Variants in DYNC1I1 observed in about 807,000 individuals in gnomAD.
DYNC1I1 encodes the protein cytoplasmic dynein 1 intermediate chain 1.
Under a neutral mutation model 86.6 loss-of-function variants are expected in DYNC1I1, and 43 were observed. The observed-to-expected ratio is 0.50, with a 90% CI of 0.39 to 0.64. DYNC1I1 has a LOEUF of 0.64. Among genes scored for constraint, DYNC1I1 ranks in the 30% least tolerant of loss-of-function variants. DYNC1I1 has a pLI of 0.00. For synonymous variants in DYNC1I1, 262 were observed against 283.7 expected, an observed-to-expected ratio of 0.92 and a Z score of 0.77; for missense variants, 604 against 788.8, an observed-to-expected ratio of 0.77 and a Z score of 2.81.
intron 16 of DYNC1I1, among the ~76,000 whole-genome samples, chr7:96,087,658 T>G (rs144952334): frequency 1.3e-5 from 2 of 152,184 alleles, no homozygotes; most frequent in Non-Finnish European, 2.9e-5. Context: ...CCAGATAAAA[T>G]GTGAAAATCC....
chr7:96,044,088 G>A (rs2116064438), intron 14 of DYNC1I1, among the ~76,000 whole-genome samples: 1 of 152,224 alleles, frequency 6.6e-6, no homozygotes, highest in African/African-American at 2.4e-5. Context: ...ATGATATTAG[G>A]GATTTGCTTC....
Position 96,105,076 on chromosome 7 carries a change from T to C in DYNC1I1, c.1543-4903T>C, listed in dbSNP as rs962773511. 5.9e-5 allele frequency among the ~76,000 whole-genome samples: 9 copies of C among 152,166 alleles called. No individual in the cohort carries two copies. The South Asian group carries it at 8.3e-4, about 14-fold the overall frequency. The stretch of plus-strand genomic sequence containing the variant: ...ATTTATTCCTAGATAACAACTAATT[T>C]TTTATGCTATTGTAAATACTATTGT... On this transcript the variant is annotated intron_variant, in intron 16 of 16. Coordinates refer to the DYNC1I1 transcript ENST00000537881.
intron 14 of DYNC1I1, among the ~76,000 whole-genome samples, chr7:96,065,678 G>A (rs983336530): frequency 3.3e-5 from 5 of 152,084 alleles, no homozygotes; most frequent in African/African-American, 7.2e-5. Flanking sequence ...GTGAGCCACC[G>A]CGCCGAGCAT....
chr7:95,960,326 C>A (rs1256525128), intron 6 of DYNC1I1, among the ~76,000 whole-genome samples: 1 of 152,070 alleles, frequency 6.6e-6, no homozygotes, highest in Non-Finnish European at 1.5e-5. Context: ...AGGCTGGTCT[C>A]AAACTCCTAA....
At chr7:95,774,836 C>T (rs780887976) in intron 1 of DYNC1I1, among the ~76,000 whole-genome samples, 10 of 152,184 alleles carry the variant, frequency 6.6e-5, no homozygotes, top group Non-Finnish European at 1.5e-4. Flanking sequence ...CTAGGTACCC[C>T]TCTTAGTACA....
chr7:95,862,753 A>G (rs993789506), intron 5 of DYNC1I1, among the ~76,000 whole-genome samples: 1 of 152,198 alleles, frequency 6.6e-6, no homozygotes, highest in Non-Finnish European at 1.5e-5. Flanking sequence ...GTGTACAGCC[A>G]TCTCTCCATA....
chr7:95,798,567 AT>A (rs1289555322), intron 1 of DYNC1I1, among the ~76,000 whole-genome samples: 2 of 152,134 alleles, frequency 1.3e-5, no homozygotes, highest in African/African-American at 4.8e-5. Context: ...AAGAAAACTT[AT>A]TTCTGGGTAT....
intron 2 of DYNC1I1, among the ~76,000 whole-genome samples, chr7:95,806,428 C>T (rs1794702584): frequency 6.6e-6 from 1 of 152,160 alleles, no homozygotes; most frequent in African/African-American, 2.4e-5. Flanking sequence ...CAACCAAGCA[C>T]TTTTGCCTGG....
intron 9 of DYNC1I1, among the ~76,000 whole-genome samples, chr7:95,993,403 G>A (rs1793778802): frequency 6.6e-6 from 1 of 152,164 alleles, no homozygotes; most frequent in South Asian, 2.1e-4. Context: ...AGACCCAGCT[G>A]GGTGATATTA....
intron 6 of DYNC1I1, among the ~76,000 whole-genome samples, chr7:95,920,997 T>C (rs1310863304): frequency 1.3e-5 from 2 of 152,188 alleles, no homozygotes; most frequent in Non-Finnish European, 2.9e-5. Flanking sequence ...AGTCAAGAAT[T>C]GTGTAATTTT....
chr7:96,036,996 C>T (rs1268110954), intron 13 of DYNC1I1, among the ~76,000 whole-genome samples: 1 of 151,946 alleles, frequency 6.6e-6, no homozygotes, highest in South Asian at 2.1e-4. Flanking sequence ...TGCACTCATC[C>T]GAGGCTATTA....
chr7:96,032,317 C>T (rs1402432912), intron 11 of DYNC1I1, among the ~76,000 whole-genome samples: 3 of 152,118 alleles, frequency 2.0e-5, no homozygotes, highest in Non-Finnish European at 1.5e-5. Flanking sequence ...TCTTGTTGAG[C>T]TTAGAAGCCA....
At chr7:95,933,842 G>A (rs1183758529) in intron 6 of DYNC1I1, among the ~76,000 whole-genome samples, 1 of 152,064 alleles carries the variant, frequency 6.6e-6, no homozygotes, top group Non-Finnish European at 1.5e-5. Flanking sequence ...ATTCTTAGCA[G>A]GATTTATTTT....
intron 16 of DYNC1I1, among the ~76,000 whole-genome samples, chr7:96,096,654 G>C (rs566083835): frequency 5.9e-5 from 9 of 152,198 alleles, no homozygotes; most frequent in African/African-American, 1.9e-4. Context: ...ATTGGAGGAG[G>C]CGTTAATTTC....
At chr7:96,079,884 A>C (rs989732015) in intron 15 of DYNC1I1, among the ~76,000 whole-genome samples, 2 of 152,084 alleles carry the variant, frequency 1.3e-5, no homozygotes, top group African/African-American at 4.8e-5. Flanking sequence ...AGATCAATAC[A>C]TATGTTTACT....
At chr7:95,993,465 T>C (rs1275785651) in intron 9 of DYNC1I1, among the ~76,000 whole-genome samples, 1 of 152,168 alleles carries the variant, frequency 6.6e-6, no homozygotes, top group Non-Finnish European at 1.5e-5. Context: ...GTGTTGATGT[T>C]TATAGAGTTG....
chr7:96,083,691 G>A (rs1416826785), intron 16 of DYNC1I1, among the ~76,000 whole-genome samples: 5 of 152,188 alleles, frequency 3.3e-5, no homozygotes, highest in African/African-American at 9.7e-5. Flanking sequence ...ATGACTGACT[G>A]CAGGAAGGGT....
At chr7:96,002,953 C>T (rs926226394) in intron 10 of DYNC1I1, among the ~76,000 whole-genome samples, 1 of 152,096 alleles carries the variant, frequency 6.6e-6, no homozygotes, top group Non-Finnish European at 1.5e-5. Flanking sequence ...AAGCGATTCT[C>T]CTGCCTCAGC....
At chr7:95,905,717 A>G (rs1490443694) in intron 6 of DYNC1I1, among the ~76,000 whole-genome samples, 2 of 150,306 alleles carry the variant, frequency 1.3e-5, no homozygotes, top group Non-Finnish European at 3.0e-5. Context: ...TTTTTTTCAT[A>G]GATGGCATTT....
Sources: gnomAD v4.1 joint callset for allele counts (sites outside exome capture counted in the v4.1 genomes callset) on GRCh38, gnomAD v4.1.1 for gene constraint, MANE v1.5 for transcripts, NCBI Gene and HGNC (gene_info 2026-07-23, HGNC 2026-07-21) for gene names.